Variants in TXNRD2 observed in about 807,000 individuals in gnomAD.
The protein encoded by TXNRD2 is thioredoxin reductase 2, mitochondrial.
Under a neutral mutation model 70.8 loss-of-function variants are expected in TXNRD2, and 67 were observed. That is an observed-to-expected ratio of 0.95 (90% CI 0.78 to 1.16). The LOEUF is 1.16. TXNRD2 is among the 50% of genes most tolerant of loss of function. The pLI, the probability that TXNRD2 is intolerant of heterozygous loss-of-function variation, is 0.00. For missense variants in TXNRD2, 644 were observed against 719.9 expected, an observed-to-expected ratio of 0.89 and a Z score of 1.21; for synonymous variants, 301 against 295.8, an observed-to-expected ratio of 1.02 and a Z score of -0.18.
chr22:19,906,034 A>T (rs1939997056), intron 8 of TXNRD2, among the ~76,000 whole-genome samples: 2 of 152,192 alleles, frequency 1.3e-5, no homozygotes, highest in Non-Finnish European at 1.5e-5. Context: ...CCATTTGTAC[A>T]TCACACAAGT....
At chr22:19,932,567 A>G in intron 1 of TXNRD2, 1 of 1,472,272 alleles carries the variant, frequency 6.8e-7, no homozygotes, top group Admixed American at 2.2e-5. Context: ...ACCCAGCACC[A>G]GGCACCAGCC....
At chr22:19,893,562 C>G (rs760780702) in intron 11 of TXNRD2, among the ~76,000 whole-genome samples, 7 of 152,222 alleles carry the variant, frequency 4.6e-5, no homozygotes, top group Non-Finnish European at 5.9e-5. Context: ...CCAGCTGCCC[C>G]TTGCCAGTCC....
rs371547623 is a variant in TXNRD2 at position 19,880,678 on chromosome 22, T to C, written c.1126A>G (p.Arg376Gly). Residue 376 changes from arginine (R) to glycine (G), a missense_variant, in exon 13 of 18, where the codon AGG becomes GGG. This residue lies in a region of TXNRD2 where 566 missense variants were observed against 645.0 expected (regional missense o/e 0.88). Transcript: ENST00000400521. ...CCGAAGAGCCGCTGCACCAGGAGCC[T>C]CCCGGCCATGATCGCTATGGGTGTC... ...ELTPIAIMAG[R>G]LLVQRLFGGS... 2.4e-5 allele frequency: 38 copies of C among 1,613,182 alleles called. No homozygotes were observed. The highest frequency in any genetic ancestry group is 2.8e-5 in the Non-Finnish European group (33 of 1,180,032).
chr22:19,932,366 C>CA, intron 1 of TXNRD2: 1 of 1,612,698 alleles, frequency 6.2e-7, no homozygotes, highest in Non-Finnish European at 8.5e-7. Flanking sequence ...CCTTGGTCCT[C>CA]CATGGTGGCT....
intron 11 of TXNRD2, among the ~76,000 whole-genome samples, chr22:19,888,730 C>T (rs1429015085): frequency 6.6e-6 from 1 of 152,210 alleles, no homozygotes; most frequent in African/African-American, 2.4e-5. Context: ...GCGACTGTCT[C>T]ATGAGGCATG....
At chr22:19,923,837 CCT>C (rs1180858584) in intron 2 of TXNRD2, among the ~76,000 whole-genome samples, 1 of 144,742 alleles carries the variant, frequency 6.9e-6, no homozygotes, top group Non-Finnish European at 1.5e-5. Context: ...CACTGAAACC[CCT>C]GAGGCTTTTT....
chr22:19,877,942 C>CT (rs1601378808), intron 16 of TXNRD2, 148 bp downstream of exon 16: 7 of 737,652 alleles, frequency 9.5e-6, no homozygotes, highest in Non-Finnish European at 1.7e-5. Context: ...CCCGCCCTGT[C>CT]TGAGGGGCCT....
chr22:19,934,077 G>T (rs1941458305), intron 1 of TXNRD2, among the ~76,000 whole-genome samples: 1 of 152,224 alleles, frequency 6.6e-6, no homozygotes, highest in Admixed American at 6.5e-5. Flanking sequence ...GCACCCACAG[G>T]CAGGCTGGCC....
intron 2 of TXNRD2, among the ~76,000 whole-genome samples, chr22:19,928,882 T>C (rs1224022856): frequency 6.6e-6 from 1 of 151,448 alleles, no homozygotes; most frequent in Non-Finnish European, 1.5e-5. Flanking sequence ...GGCAGGCGCC[T>C]GTAATCCTAG....
At chr22:19,897,563 C>T (rs574503052) in intron 10 of TXNRD2, among the ~76,000 whole-genome samples, 35 of 152,328 alleles carry the variant, frequency 2.3e-4, no homozygotes, top group Non-Finnish European at 4.4e-4. Context: ...GTCCAGAAGC[C>T]AAGATCCCAC....
At chr22:19,895,978 C>T (rs1225498121) in intron 10 of TXNRD2, among the ~76,000 whole-genome samples, 3 of 152,194 alleles carry the variant, frequency 2.0e-5, no homozygotes. Flanking sequence ...GCCTGGGCGA[C>T]AGAGTGAGAC....
At chr22:19,908,097 T>C (rs550588859) in intron 8 of TXNRD2, among the ~76,000 whole-genome samples, 1,170 of 116,054 alleles carry the variant, frequency 0.01, 48 homozygotes, top group African/African-American at 0.039. Context: ...TGGGTAGCAG[T>C]GACTGCTCTC....
chr22:19,898,741 G>A (rs1332206110), intron 9 of TXNRD2, among the ~76,000 whole-genome samples: 4 of 151,808 alleles, frequency 2.6e-5, no homozygotes, highest in African/African-American at 9.7e-5. Flanking sequence ...CTCCTCTCCT[G>A]ACCCTCCCTG....
chr22:19,886,512 A>T (rs1413333349), intron 11 of TXNRD2, among the ~76,000 whole-genome samples: 2 of 152,252 alleles, frequency 1.3e-5, no homozygotes, highest in Non-Finnish European at 2.9e-5. Flanking sequence ...AGCAGGATGC[A>T]GGTGGCTGTG....
At chr22:19,909,889 A>ACACACACCACC (rs756509832) in intron 8 of TXNRD2, among the ~76,000 whole-genome samples, 2 of 40,008 alleles carry the variant, frequency 5.0e-5, no homozygotes, top group Non-Finnish European at 3.7e-5. Flanking sequence ...CACACCACTC[A>ACACACACCACC]CACACACACA....
intron 11 of TXNRD2, chr22:19,884,636 A>G (rs1291381892): frequency 6.6e-6 from 1 of 152,222 alleles, no homozygotes; most frequent in Non-Finnish European, 1.5e-5. Flanking sequence ...GGCCTCCTTC[A>G]AGGGACACCT....
At position 19,877,205 on chromosome 22, in the gene TXNRD2, C is replaced by G; in HGVS notation, c.1475G>C (p.Arg492Pro). The G allele has an allele frequency of 6.2e-7, 1 of 1,611,376 alleles. No individual in the cohort carries two copies. The highest frequency in any genetic ancestry group is 8.5e-7 in the Non-Finnish European group (1 of 1,178,610). Residue 492 changes from arginine to proline, a missense_variant, in exon 17 of 18, where the codon CGG becomes CCG. Transcript: ENST00000400521. ...GCATGTGGGATGGATACCCACGGTCCGCATCACCTGCGCATAGGAAGCCCC... is the reference window on the plus strand; with the variant it reads ...GCATGTGGGATGGATACCCACGGTCGGCATCACCTGCGCATAGGAAGCCCC... ...KCGASYAQVM[R>P]TVGIHPTCSE...
At chr22:19,897,547 G>T (rs1014330794) in intron 10 of TXNRD2, among the ~76,000 whole-genome samples, 2 of 152,132 alleles carry the variant, frequency 1.3e-5, no homozygotes, top group Non-Finnish European at 2.9e-5. Flanking sequence ...TGTACACAGC[G>T]CACCTGTCCA....
chr22:19,896,305 A>G (rs1387011759), intron 10 of TXNRD2, among the ~76,000 whole-genome samples: 1 of 145,956 alleles, frequency 6.9e-6, no homozygotes, highest in African/African-American at 2.7e-5. Flanking sequence ...CTCAAACCAA[A>G]AAAAAAGAAA....
Sources: gnomAD v4.1 joint callset for allele counts (sites outside exome capture counted in the v4.1 genomes callset) on GRCh38, gnomAD v4.1.1 for gene constraint, gnomAD v4.1.1 regional missense constraint, MANE v1.5 for transcripts, NCBI Gene and HGNC (gene_info 2026-07-23, HGNC 2026-07-21) for gene names.